The following LARP1B variants were observed in gnomAD, a reference collection of about 807,000 sequenced individuals.
LARP1B encodes La ribonucleoprotein 1B, also known as la-related protein 1B.
Under a neutral mutation model 114.2 loss-of-function variants are expected in LARP1B, and 76 were observed. The observed-to-expected ratio is 0.67, with a 90% CI of 0.55 to 0.81. The LOEUF (loss-of-function observed/expected upper bound fraction) is 0.81. Among genes scored for constraint, LARP1B ranks in the 30% least tolerant of loss-of-function variants. The pLI, the probability that LARP1B is intolerant of heterozygous loss-of-function variation, is 0.00. For missense variants in LARP1B, 1,014 were observed against 1,075.8 expected (o/e 0.94, Z 0.80); for synonymous variants, 345 against 348.0 (o/e 0.99, Z 0.10).
chr4:128,123,647 C>T lies in LARP1B; in HGVS notation c.1524+1459C>T, dbSNP rs561380437. On this transcript the variant is annotated intron_variant, in intron 11 of 19. Transcript: ENST00000326639. ...TCTAGTGTTAGAATAGTTTCTGGCA[C>T]AAAGAAATGTTCAATTCATGTTTGT... 2.2e-5 allele frequency: 15 copies of T among 674,302 alleles called. No homozygotes were observed. In the South Asian group the frequency reaches 1.0e-3, roughly 45 times the overall value. The allele number at this position is 674,302 out of a possible 1,614,324, so 41.8% of individuals were successfully genotyped here. A position where few individuals can be genotyped will look rare whatever the true frequency, so the allele number is the denominator to read the frequency against.
At chr4:128,092,669 C>CT (rs1776314840) in intron 7 of LARP1B, 15 of 573,608 alleles carry the variant, frequency 2.6e-5, no homozygotes, top group Non-Finnish European at 3.1e-5. Context: ...TAGAAAATTT[C>CT]TTTATCATCA....
At chr4:128,075,518 A>T (rs1455910554) in intron 3 of LARP1B, among the ~76,000 whole-genome samples, 4 of 150,716 alleles carry the variant, frequency 2.7e-5, no homozygotes, top group Middle Eastern at 3.5e-3. Flanking sequence ...GGGAAGCTTA[A>T]CCTAACCTAT....
intron 5 of LARP1B, among the ~76,000 whole-genome samples, chr4:128,084,588 TCGG>T (rs1772565551): frequency 6.9e-6 from 1 of 143,930 alleles, no homozygotes; most frequent in African/African-American, 2.9e-5. Context: ...CAGTCCAGCT[TCGG>T]CTCGGCATCA....
chr4:128,120,828 TCAGA>T (rs1182503525), intron 10 of LARP1B, among the ~76,000 whole-genome samples: 48 of 136,088 alleles, frequency 3.5e-4, no homozygotes, highest in Admixed American at 1.6e-4. Context: ...TTTTTTTTCT[TCAGA>T]CAGAGTCTCG....
intron 1 of LARP1B, among the ~76,000 whole-genome samples, chr4:128,066,878 C>T (rs1213255748): frequency 3.3e-5 from 5 of 150,672 alleles, no homozygotes; most frequent in African/African-American, 1.2e-4. Flanking sequence ...CTCACTGCAA[C>T]CCCCCACCTC....
chr4:128,073,823 C>T (rs2149380901), intron 1 of LARP1B, among the ~76,000 whole-genome samples: 1 of 151,664 alleles, frequency 6.6e-6, no homozygotes, highest in East Asian at 2.0e-4. Flanking sequence ...ACTCCTGACT[C>T]CAGTGATCCG....
chr4:128,200,525 A>G lies in LARP1B; in HGVS notation c.2169A>G (p.Arg723=), dbSNP rs1307556124. ...HKYRRRCLSE[R]KRLGIGQSQE... Reference sequence around the variant, plus strand: ...ATTTTATTTAACTTTTTTCAGAGAGAAAACGCTTGGGAATTGGTCAGTCCC... The same window carrying G: ...ATTTTATTTAACTTTTTTCAGAGAGGAAACGCTTGGGAATTGGTCAGTCCC... Residue 723 remains arginine (R), a synonymous_variant, in exon 17 of 20, where the codon AGA becomes AGG. Coordinates refer to ENST00000326639, the MANE Select transcript of LARP1B (RefSeq NM_018078.4). 2 of 1,460,454 alleles carry G rather than the reference A, an allele frequency of 1.4e-6. No homozygotes were observed. The highest frequency in any genetic ancestry group is 1.8e-6 in the Non-Finnish European group (2 of 1,103,090). 90.5% of individuals were successfully genotyped at this position (1,460,454 alleles called of 1,614,324 possible).
intron 15 of LARP1B, among the ~76,000 whole-genome samples, chr4:128,197,012 A>G (rs1754391227): frequency 1.3e-5 from 2 of 152,188 alleles, no homozygotes; most frequent in African/African-American, 4.8e-5. Flanking sequence ...ATAGACAGAA[A>G]GTAGAATAGA....
At chr4:128,128,987 A>T (rs1050204709) in intron 11 of LARP1B, among the ~76,000 whole-genome samples, 2 of 151,798 alleles carry the variant, frequency 1.3e-5, no homozygotes, top group African/African-American at 4.8e-5. Context: ...ACATGGTGAA[A>T]CCGCGTCTCT....
intron 11 of LARP1B, chr4:128,123,113 A>C: frequency 2.0e-6 from 2 of 985,436 alleles, no homozygotes; most frequent in Non-Finnish European, 2.4e-6. Flanking sequence ...GTGGGGCTTC[A>C]TATCATCAAC....
intron 15 of LARP1B, among the ~76,000 whole-genome samples, chr4:128,184,883 C>T (rs1235002102): frequency 6.6e-6 from 1 of 152,110 alleles, no homozygotes; most frequent in Non-Finnish European, 1.5e-5. Flanking sequence ...ATAATGACTT[C>T]CAGTTCTATG....
chr4:128,202,236 G>T (rs1756194629), intron 17 of LARP1B, among the ~76,000 whole-genome samples: 1 of 152,008 alleles, frequency 6.6e-6, no homozygotes, highest in Non-Finnish European at 1.5e-5. Flanking sequence ...TACCAGAGTT[G>T]GCATAAAAAG....
chr4:128,134,726 ACTC>A (rs1292699767), intron 11 of LARP1B, among the ~76,000 whole-genome samples: 1 of 152,236 alleles, frequency 6.6e-6, no homozygotes. Flanking sequence ...TATATAAAGA[ACTC>A]CTACAAATCA....
At chr4:128,060,931 A>C (rs1441424287), upstream of LARP1B, among the ~76,000 whole-genome samples, 3 of 152,140 alleles carry the variant, frequency 2.0e-5, no homozygotes, top group Admixed American at 2.0e-4. Flanking sequence ...TTTAGGGCCT[A>C]AGGGCAAATC....
At chr4:128,120,425 A>G (rs1217699854) in intron 10 of LARP1B, among the ~76,000 whole-genome samples, 1 of 151,320 alleles carries the variant, frequency 6.6e-6, no homozygotes, top group Non-Finnish European at 1.5e-5. Context: ...TTAGACTTTT[A>G]ATGTAAACCA....
rs1758861590 is a variant in LARP1B at position 128,210,883 on chromosome 4, A to G, written c.*830A>G. On this transcript the variant is annotated 3_prime_UTR_variant, in exon 20 of 20. Transcript: ENST00000326639. ...TGGAATATTGTCCTAAATTAATTAA[A>G]TCTTGCACTGTTTTGAATGCATCTG... 7.1e-6 allele frequency: 7 copies of G among 983,882 alleles called. No individual in the cohort carries two copies. Among genetic ancestry groups the G allele is most frequent in the Non-Finnish European group, 7.2e-6 (6 of 828,498 alleles). The allele number at this position is 983,882 out of a possible 1,614,324, so 60.9% of individuals were successfully genotyped here. A position where few individuals can be genotyped will look rare whatever the true frequency, so the allele number is the denominator to read the frequency against.
intron 11 of LARP1B, among the ~76,000 whole-genome samples, chr4:128,150,503 T>A (rs907182921): frequency 2.0e-5 from 3 of 152,104 alleles, no homozygotes; most frequent in African/African-American, 7.2e-5. Flanking sequence ...GTGTTGCTCA[T>A]GCTGGTCTTG....
chr4:128,143,259 C>T (rs1195985157), intron 11 of LARP1B, among the ~76,000 whole-genome samples: 1 of 152,090 alleles, frequency 6.6e-6, no homozygotes. Flanking sequence ...CACTCCGTGA[C>T]AGAGCAAGAC....
At chr4:128,212,904 A>G (rs547317079), downstream of LARP1B, among the ~76,000 whole-genome samples, 4 of 138,320 alleles carry the variant, frequency 2.9e-5, no homozygotes, top group East Asian at 6.2e-4. Flanking sequence ...AATCATTTAA[A>G]TCTCTCTCTT....
Sources: gnomAD v4.1 joint callset for allele counts (sites outside exome capture counted in the v4.1 genomes callset) on GRCh38, gnomAD v4.1.1 for gene constraint, MANE v1.5 for transcripts, NCBI Gene and HGNC (gene_info 2026-07-23, HGNC 2026-07-21) for gene names.